Variants in ANKUB1 observed in about 807,000 individuals in gnomAD.
ANKUB1 encodes ankyrin repeat and ubiquitin domain containing 1.
In ANKUB1, 42 loss-of-function variants were observed where a neutral mutation model predicts 49.3. The observed-to-expected ratio is 0.85, with a 90% CI of 0.67 to 1.10. The LOEUF (loss-of-function observed/expected upper bound fraction) is 1.10. ANKUB1 is among the 50% of genes least tolerant of loss of function. The pLI, the probability that ANKUB1 is intolerant of heterozygous loss-of-function variation, is 0.00. For missense variants in ANKUB1, 613 were observed against 642.0 expected, an observed-to-expected ratio of 0.95 and a Z score of 0.49; for synonymous variants, 222 against 231.0, an observed-to-expected ratio of 0.96 and a Z score of 0.35.
rs1219751678 is a variant in ANKUB1 at position 149,761,509 on chromosome 3, T to G, written c.1610A>C (p.Glu537Ala). The G allele has an allele frequency of 6.4e-7, 1 of 1,551,352 alleles. No individual in the cohort carries two copies. The highest frequency in any genetic ancestry group is 2.4e-5 in the East Asian group (1 of 40,924). Residue 537 changes from glutamate (E) to alanine (A), a missense_variant, in exon 6 of 6, where the codon GAA becomes GCA. Transcript: ENST00000446160. ...LTTRGGLTACENSLETVL is the reference protein window; with the variant it reads ...LTTRGGLTACANSLETVL ...TCAAAGCACAGTTTCTAGAGAGTTTTCACACGCTGTCAGACCTCCTCGGGT... is the reference window on the plus strand; with the variant it reads ...TCAAAGCACAGTTTCTAGAGAGTTTGCACACGCTGTCAGACCTCCTCGGGT...
At chr3:149,781,530 G>A (rs1268497510) in intron 2 of ANKUB1, among the ~76,000 whole-genome samples, 2 of 152,128 alleles carry the variant, frequency 1.3e-5, no homozygotes, top group Non-Finnish European at 2.9e-5. Context: ...TCAGAACCTG[G>A]TATCTGGCCT....
intron 3 of ANKUB1, among the ~76,000 whole-genome samples, chr3:149,772,046 A>G (rs1334085464): frequency 3.8e-5 from 5 of 132,576 alleles, no homozygotes; most frequent in African/African-American, 1.4e-4. Context: ...TTTTTTTTAG[A>G]CGGAGTCTTT....
chr3:149,781,238 C>T (rs1369382833), intron 2 of ANKUB1, among the ~76,000 whole-genome samples: 1 of 152,098 alleles, frequency 6.6e-6, no homozygotes, highest in Non-Finnish European at 1.5e-5. Flanking sequence ...ATATCCAAAG[C>T]AGAGTTAAGA....
chr3:149,784,309 A>G (rs1174659602), intron 2 of ANKUB1, among the ~76,000 whole-genome samples: 2 of 152,204 alleles, frequency 1.3e-5, no homozygotes, highest in Non-Finnish European at 2.9e-5. Context: ...CACGCTCTGA[A>G]AAGCACAACC....
chr3:149,768,660 G>A (rs1181179575), intron 4 of ANKUB1, among the ~76,000 whole-genome samples: 2 of 152,124 alleles, frequency 1.3e-5, no homozygotes, highest in Non-Finnish European at 2.9e-5. Context: ...TCCTGCCTCA[G>A]CCTCCTCAGT....
rs1717811083 is a variant in ANKUB1, at chr3:149,780,443, GC to G, written c.246del (p.Lys82AsnfsTer10). The part of the protein sequence containing the change: ...TLKCFVKEED[K>X]PTLYVFNAVT... ...ACAGCATTGAACACGTATAGAGTAG[GC>G]TTGTCTTCTTCCTAAAGGGAAAGAA... On this transcript the variant is annotated frameshift_variant, in exon 3 of 6. Coordinates refer to ENST00000446160, the MANE Select transcript of ANKUB1 (RefSeq NM_001144960.3). LOFTEE classifies it high-confidence loss of function. 1 of 1,551,542 alleles carries G rather than the reference GC, an allele frequency of 6.4e-7. No individual in the cohort carries two copies. The highest frequency in any genetic ancestry group is 1.4e-5 in the African/African-American group (1 of 73,052).
At chr3:149,777,410 C>T (rs576601101) in intron 3 of ANKUB1, among the ~76,000 whole-genome samples, 8 of 151,584 alleles carry the variant, frequency 5.3e-5, no homozygotes, top group African/African-American at 1.5e-4. Context: ...AGGCGGAGGT[C>T]GCAGTAAGCT....
intron 2 of ANKUB1, among the ~76,000 whole-genome samples, chr3:149,780,890 G>C (rs1381563401): frequency 6.6e-6 from 1 of 152,106 alleles, no homozygotes; most frequent in East Asian, 1.9e-4. Context: ...TGAGTTGAGA[G>C]TGGGAGGGAG....
Position 149,790,886 on chromosome 3 carries a change from G to A in ANKUB1, c.129C>T (p.Gly43=), listed in dbSNP as rs1718329329. 12 of 1,552,042 alleles carry A rather than the reference G, an allele frequency of 7.7e-6. No individual in the cohort carries two copies. Among genetic ancestry groups the A allele is most frequent in the Non-Finnish European group, 1.0e-5 (12 of 1,147,014 alleles). Residue 43 remains glycine (G), a synonymous_variant, in exon 2 of 6, where the codon GGC becomes GGT. Transcript: ENST00000446160. ...CATACATTAACTCCAGATACCGCCT[G>A]CCTTGTTTGTCTTCAGAGAGAGGAA... is the stretch of plus-strand genomic sequence containing the variant. ...FHIPLSEDKQ[G]RRYLELMYAG...
rs1446237163 is a variant in ANKUB1, at chr3:149,780,417, T to A, written c.273A>T (p.Val91=). The change falls in exon 3 of 6, where the codon GTA becomes GTT. Residue 91 remains valine, a synonymous_variant. Coordinates refer to ENST00000446160, the MANE Select transcript of ANKUB1 (RefSeq NM_001144960.3). ...CCATTACTGGCATTGTGTCTTGAGTTACAGCATTGAACACGTATAGAGTAG... is the reference window on the plus strand; with the variant it reads ...CCATTACTGGCATTGTGTCTTGAGTAACAGCATTGAACACGTATAGAGTAG... ...DKPTLYVFNA[V]TQDTMPVMES... The A allele has an allele frequency of 6.4e-7, 1 of 1,552,250 alleles. No homozygotes were observed. The highest frequency in any genetic ancestry group is 8.7e-7 in the Non-Finnish European group (1 of 1,147,064).
At position 149,770,553 on chromosome 3, in the gene ANKUB1, C is replaced by A; in HGVS notation, c.566+7G>T. Reference sequence around the variant, plus strand: ...TGCTAAGTTAATTTAAAATTAATTTCTCATACTTGAGTACTGGTCCTTCTT... The same window carrying A: ...TGCTAAGTTAATTTAAAATTAATTTATCATACTTGAGTACTGGTCCTTCTT... On this transcript the variant is annotated splice_region_variant and intron_variant, in intron 4 of 5. Coordinates refer to ENST00000446160, the MANE Select transcript of ANKUB1 (RefSeq NM_001144960.3). The A allele has an allele frequency of 2.0e-6, 3 of 1,524,950 alleles. No individual in the cohort carries two copies. The highest frequency in any genetic ancestry group is 2.7e-6 in the Non-Finnish European group (3 of 1,127,016). The allele number at this position is 1,524,950 out of a possible 1,614,324, so 94.5% of individuals were successfully genotyped here.
chr3:149,782,464 T>C (rs575151819), intron 2 of ANKUB1, among the ~76,000 whole-genome samples: 1 of 152,280 alleles, frequency 6.6e-6, no homozygotes, highest in African/African-American at 2.4e-5. Context: ...AATAATCGTA[T>C]ACTTATATCT....
In ANKUB1 at chr3:149,761,626, A is replaced by G. The variant is rs1023730169; in HGVS notation, c.1506-13T>C. 5 of 1,550,208 alleles carry G rather than the reference A, an allele frequency of 3.2e-6. No homozygotes were observed. The highest frequency in any genetic ancestry group is 4.4e-6 in the Non-Finnish European group (5 of 1,146,356). On this transcript the variant is annotated splice_polypyrimidine_tract_variant and intron_variant, in intron 5 of 5. Transcript: ENST00000446160. Reference sequence around the variant, plus strand: ...CTCTTTAAAGGCACTGCAAGAAAACAAGATATAATTTGTAAGGAGGTCTGA... The same window carrying G: ...CTCTTTAAAGGCACTGCAAGAAAACGAGATATAATTTGTAAGGAGGTCTGA...
chr3:149,778,525 T>C (rs1717707747), intron 3 of ANKUB1: 1 of 152,220 alleles, frequency 6.6e-6, no homozygotes, highest in Non-Finnish European at 1.5e-5. Flanking sequence ...CCTAGTTTTG[T>C]TTCATCCTTT....
At chr3:149,767,121 G>T (rs780171025) in intron 5 of ANKUB1, 36 bp downstream of exon 5, 212 of 1,461,370 alleles carry the variant, frequency 1.5e-4, no homozygotes, top group Admixed American at 9.7e-4. Context: ...CCTTATAAAA[G>T]CTTTGCTGTT....
At chr3:149,763,082 G>A (rs531995673) in intron 5 of ANKUB1, among the ~76,000 whole-genome samples, 142 of 152,300 alleles carry the variant, frequency 9.3e-4, no homozygotes, top group African/African-American at 1.2e-3. Flanking sequence ...CCAGGTCTAT[G>A]TCTGCCTGAT....
At chr3:149,785,117 C>T (rs1470327587) in intron 2 of ANKUB1, among the ~76,000 whole-genome samples, 2 of 151,982 alleles carry the variant, frequency 1.3e-5, no homozygotes, top group African/African-American at 2.4e-5. Flanking sequence ...CACAGTGAAC[C>T]GCAACACCAT....
In ANKUB1 at chr3:149,767,968, G is replaced by C; in HGVS notation, c.694C>G (p.His232Asp). The change falls in exon 5 of 6, where the codon CAT becomes GAT. Residue 232 changes from histidine to aspartate, a missense_variant. Transcript: ENST00000446160. ...GAGACATCTGCATGAAGGGCTTCATGGCACCATGCTCGATAGGGGTGAACA... is the reference window on the plus strand; with the variant it reads ...GAGACATCTGCATGAAGGGCTTCATCGCACCATGCTCGATAGGGGTGAACA... ...VGVHPYRAWC[H>D]EALHADVSKC... 2 of 1,541,316 alleles carry C rather than the reference G, an allele frequency of 1.3e-6. No homozygotes were observed. Among genetic ancestry groups the C allele is most frequent in the Non-Finnish European group, 1.8e-6 (2 of 1,139,082 alleles).
At chr3:149,774,412 T>C (rs1459453013) in intron 3 of ANKUB1, among the ~76,000 whole-genome samples, 1 of 152,158 alleles carries the variant, frequency 6.6e-6, no homozygotes, top group African/African-American at 2.4e-5. Context: ...ACCTGCCTAT[T>C]CCAGGCCTTC....
Sources: gnomAD v4.1 joint callset for allele counts (sites outside exome capture counted in the v4.1 genomes callset) on GRCh38, gnomAD v4.1.1 for gene constraint, MANE v1.5 for transcripts, NCBI Gene and HGNC (gene_info 2026-07-23, HGNC 2026-07-21) for gene names.